Variants in PPP2R1B observed in about 807,000 individuals in gnomAD.
The protein encoded by PPP2R1B is serine/threonine-protein phosphatase 2A 65 kDa regulatory subunit A beta isoform.
A neutral mutation model predicts 72.7 loss-of-function variants in PPP2R1B; 58 were observed. The ratio of observed to expected loss-of-function variants is 0.80; its 90% CI spans 0.65 to 0.99. PPP2R1B has a LOEUF of 0.99. Among genes scored for constraint, PPP2R1B ranks in the 50% least tolerant of loss-of-function variants. The pLI, the probability that PPP2R1B is intolerant of heterozygous loss-of-function variation, is 0.00. For missense variants in PPP2R1B, 695 were observed against 733.6 expected (o/e 0.95, Z 0.61); for synonymous variants, 256 against 264.6 (o/e 0.97, Z 0.32).
chr11:111,755,399 A>G lies in PPP2R1B; in HGVS notation c.739T>C (p.Leu247=), dbSNP rs371911358. The change falls in exon 6 of 15, where the codon TTG becomes CTG. Residue 247 remains leucine, a synonymous_variant. Transcript: ENST00000527614. Reference sequence around the variant, plus strand: ...AAAGTCTCAAGGTCATCCTGAGACAATAACTGGGCAATACTGACACAAGCT... The same window carrying G: ...AAAGTCTCAAGGTCATCCTGAGACAGTAACTGGGCAATACTGACACAAGCT... ...VEACVSIAQL[L]SQDDLETLVM... The G allele has an allele frequency of 1.9e-5, 31 of 1,613,292 alleles. No individual in the cohort carries two copies. The highest frequency in any genetic ancestry group is 5.3e-5 in the African/African-American group (4 of 74,852).
chr11:111,715,239 T>G, the PPP2R1B span, among the ~76,000 whole-genome samples: 2 of 152,202 alleles, frequency 1.3e-5, no homozygotes, highest in Non-Finnish European at 2.9e-5. Context: ...ACCGTTTTAT[T>G]TATGTCAGCA....
chr11:111,730,319 GA>G (rs1944144868), intron 15 of PPP2R1B: 1 of 152,220 alleles, frequency 6.6e-6, no homozygotes, highest in Non-Finnish European at 1.5e-5. Flanking sequence ...CTCAGTCAAG[GA>G]AATTCAAGTG....
At chr11:111,689,743 T>A in the PPP2R1B span, among the ~76,000 whole-genome samples, 1 of 152,184 alleles carries the variant, frequency 6.6e-6, no homozygotes, top group Non-Finnish European at 1.5e-5. Context: ...GGTAAAACCC[T>A]CATGTTTGTA....
At chr11:111,703,259 A>G in the PPP2R1B span, 4 of 1,614,082 alleles carry the variant, frequency 2.5e-6, no homozygotes, top group African/African-American at 2.7e-5. Context: ...ACGGCTAACC[A>G]TAGCCCAAAT....
chr11:111,742,216 T>A, intron 13 of PPP2R1B, 72 bp from the exon 14 acceptor site: 1 of 1,128,322 alleles, frequency 8.9e-7, no homozygotes, highest in Non-Finnish European at 1.3e-6. Context: ...TGTATATGGT[T>A]AATGGTAATT....
chr11:111,732,615 T>TGG (rs2136012789), intron 15 of PPP2R1B, among the ~76,000 whole-genome samples: 1 of 152,280 alleles, frequency 6.6e-6, no homozygotes, highest in Admixed American at 6.5e-5. Flanking sequence ...CACTTGAACC[T>TGG]GGTAGGCAGA....
chr11:111,697,876 G>A, the PPP2R1B span, among the ~76,000 whole-genome samples: 1 of 152,138 alleles, frequency 6.6e-6, no homozygotes, highest in Non-Finnish European at 1.5e-5. Context: ...CAGGCATGGT[G>A]GCGTGAGTCT....
chr11:111,742,267 T>C, intron 13 of PPP2R1B, 123 bp from the exon 14 acceptor site: 5 of 861,634 alleles, frequency 5.8e-6, no homozygotes, highest in Non-Finnish European at 7.0e-6. Context: ...TTTATAAACT[T>C]GACAAATACA....
chr11:111,707,811 G>A, the PPP2R1B span, among the ~76,000 whole-genome samples: 2 of 152,108 alleles, frequency 1.3e-5, no homozygotes, highest in African/African-American at 4.8e-5. Flanking sequence ...CAAAGATAAC[G>A]TGAGCTGTGG....
the PPP2R1B span, chr11:111,701,137 C>A: frequency 8.0e-7 from 1 of 1,250,122 alleles, no homozygotes; most frequent in Non-Finnish European, 1.1e-6. The surrounding 1 kb of genome is among the most constrained non-coding windows in gnomAD (Gnocchi z 4.2). Flanking sequence ...ATCCACTGGA[C>A]TATAATTACT....
intron 3 of PPP2R1B, 31 bp from the exon 4 acceptor site, chr11:111,761,082 G>T: frequency 6.4e-7 from 1 of 1,567,102 alleles, no homozygotes; most frequent in Non-Finnish European, 8.8e-7. Context: ...AACCAGAGAA[G>T]AAAACTTATT....
At chr11:111,737,812 G>A, downstream of PPP2R1B, 1 of 1,303,012 alleles carries the variant, frequency 7.7e-7, no homozygotes, top group South Asian at 1.7e-5. Context: ...TGTCCACCTG[G>A]CTGTTCCCCA....
At chr11:111,719,778 A>C in the PPP2R1B span, 1 of 1,612,886 alleles carries the variant, frequency 6.2e-7, no homozygotes, top group Non-Finnish European at 8.5e-7. Context: ...CGTTTAGGTC[A>C]ATGGCTGTCT....
chr11:111,724,442 G>C (rs605923), downstream of PPP2R1B: 284,371 of 360,812 alleles, frequency 0.79, 113,355 homozygotes, highest in Non-Finnish European at 0.84. Context: ...AGACCCAGGT[G>C]TTATGCAGGA....
chr11:111,712,156 A>G, the PPP2R1B span: 1 of 1,504,118 alleles, frequency 6.6e-7, no homozygotes, highest in East Asian at 2.3e-5. Context: ...AACTTTGTGT[A>G]TTTATAGAGA....
At chr11:111,693,291 G>A in the PPP2R1B span, among the ~76,000 whole-genome samples, 97 of 150,926 alleles carry the variant, frequency 6.4e-4, 2 homozygotes, top group East Asian at 0.018. Context: ...CCGAGATTGT[G>A]CCACTGCCCT....
chr11:111,721,180 G>A, the PPP2R1B span: 27 of 1,262,700 alleles, frequency 2.1e-5, no homozygotes, highest in East Asian at 6.2e-4. Context: ...CAGGCTGTTT[G>A]GGAAAACCCA....
the PPP2R1B span, among the ~76,000 whole-genome samples, chr11:111,692,828 G>A: frequency 1.1e-4 from 16 of 151,090 alleles, no homozygotes; most frequent in South Asian, 3.3e-3. Context: ...TTTTTTTTTG[G>A]CTTATGAAAA....
chr11:111,718,528 C>G, the PPP2R1B span, among the ~76,000 whole-genome samples: 1 of 152,208 alleles, frequency 6.6e-6, no homozygotes, highest in Non-Finnish European at 1.5e-5. Context: ...CGAGTGAGGG[C>G]TATAGCCCAG....
Sources: gnomAD v4.1 joint callset for allele counts (sites outside exome capture counted in the v4.1 genomes callset) on GRCh38, gnomAD v4.1.1 for gene constraint, Gnocchi (gnomAD v3.1) non-coding constraint, MANE v1.5 for transcripts, NCBI Gene and HGNC (gene_info 2026-07-23, HGNC 2026-07-21) for gene names.